CSPP1: variants seen among roughly 807,000 people sequenced by gnomAD.
CSPP1 encodes centrosome and spindle pole-associated protein 1.
A neutral mutation model predicts 164.4 loss-of-function variants in CSPP1; 126 were observed. That is an observed-to-expected ratio of 0.77 (90% CI 0.66 to 0.89). CSPP1 has a LOEUF of 0.89. Among genes scored for constraint, CSPP1 ranks in the 40% least tolerant of loss-of-function variants. The probability of loss-of-function intolerance (pLI) is 0.00; values close to 1 mark genes in which losing one functional copy is unlikely to be tolerated. For missense variants in CSPP1, 1,395 were observed against 1,449.8 expected (o/e 0.96, Z 0.61); for synonymous variants, 472 against 476.7 (o/e 0.99, Z 0.13).
intron 8 of CSPP1, among the ~76,000 whole-genome samples, chr8:67,105,685 AATT>A (rs1044260880): frequency 2.0e-5 from 3 of 152,114 alleles, no homozygotes; most frequent in Admixed American, 2.0e-4. Flanking sequence ...TGCCTGGCCA[AATT>A]ATTATTAATT....
chr8:67,140,713 C>T (rs142324126), intron 17 of CSPP1, among the ~76,000 whole-genome samples: 1 of 152,320 alleles, frequency 6.6e-6, no homozygotes, highest in Non-Finnish European at 1.5e-5. Flanking sequence ...TTCTTAGAAG[C>T]TTAAGGCCTC....
intron 27 of CSPP1, among the ~76,000 whole-genome samples, chr8:67,178,406 C>T (rs1339689886): frequency 6.6e-6 from 1 of 152,132 alleles, no homozygotes; most frequent in African/African-American, 2.4e-5. Context: ...TTCCTATGGA[C>T]AAGAAACTGT....
At chr8:67,177,645 C>T in intron 26 of CSPP1, 35 bp from the exon 27 acceptor site, 2 of 1,473,232 alleles carry the variant, frequency 1.4e-6, no homozygotes, top group East Asian at 4.5e-5. Flanking sequence ...CATTTTCTGA[C>T]CTTTTAATTT....
chr8:67,132,995 A>G (rs1821542836), intron 16 of CSPP1, among the ~76,000 whole-genome samples: 1 of 152,202 alleles, frequency 6.6e-6, no homozygotes, highest in African/African-American at 2.4e-5. Context: ...TGAAAGATAG[A>G]TTTTTAAAAT....
At chr8:67,124,908 T>A (rs1353861377) in intron 15 of CSPP1, among the ~76,000 whole-genome samples, 1 of 152,118 alleles carries the variant, frequency 6.6e-6, no homozygotes, top group African/African-American at 2.4e-5. Context: ...CATGAACTCC[T>A]GGCCTCAAAC....
At chr8:67,127,835 G>A (rs1820393306) in intron 15 of CSPP1, among the ~76,000 whole-genome samples, 1 of 152,134 alleles carries the variant, frequency 6.6e-6, no homozygotes, top group African/African-American at 2.4e-5. Flanking sequence ...GTGTAAACTT[G>A]TTATAAAAGT....
chr8:67,110,589 T>C (rs1563580972), intron 9 of CSPP1, among the ~76,000 whole-genome samples: 1 of 152,212 alleles, frequency 6.6e-6, no homozygotes, highest in East Asian at 1.9e-4. Flanking sequence ...GAGCTCTTTT[T>C]ATGCTTCCTA....
chr8:67,137,424 C>A (rs755021349), intron 16 of CSPP1, 32 bp from the exon 17 acceptor site: 3 of 1,346,428 alleles, frequency 2.2e-6, no homozygotes, highest in South Asian at 1.8e-5. Flanking sequence ...TACTTGTCAG[C>A]GTTTATTTTA....
chr8:67,166,220 C>T (rs1375298783), intron 24 of CSPP1, among the ~76,000 whole-genome samples: 1 of 152,158 alleles, frequency 6.6e-6, no homozygotes, highest in Non-Finnish European at 1.5e-5. Context: ...CCAAGGAGCC[C>T]TGGTTCCTTT....
intron 28 of CSPP1, among the ~76,000 whole-genome samples, chr8:67,187,725 A>T (rs947448885): frequency 1.3e-5 from 2 of 152,184 alleles, no homozygotes; most frequent in African/African-American, 4.8e-5. Flanking sequence ...CAGTCAGCTG[A>T]TCTCTGACAG....
In CSPP1 at chr8:67,131,966, G is replaced by A; in HGVS notation, c.1713G>A (p.Gln571=). The A allele has an allele frequency of 6.2e-7, 1 of 1,610,834 alleles. No individual in the cohort carries two copies. The highest frequency in any genetic ancestry group is 1.1e-5 in the South Asian group (1 of 90,428). Residue 571 remains glutamine (Q), a synonymous_variant, in exon 16 of 31, where the codon CAG becomes CAA. Coordinates refer to ENST00000678616, the MANE Select transcript of CSPP1 (RefSeq NM_001382391.1). ...LAQPVVNTVG[Q]NELKITSDQV... is the part of the protein sequence containing the mutation. The stretch of plus-strand genomic sequence containing the variant: ...TTTGATGTAGGAATACGGTTGGACA[G>A]AATGAACTGAAGATTACAAGTGATC...
intron 17 of CSPP1, among the ~76,000 whole-genome samples, chr8:67,140,155 G>T (rs1377371069): frequency 6.6e-6 from 1 of 152,028 alleles, no homozygotes; most frequent in African/African-American, 2.4e-5. Flanking sequence ...CACCATCTTG[G>T]CTCACTGCAA....
At chr8:67,188,804 G>A (rs889253168) in intron 28 of CSPP1, among the ~76,000 whole-genome samples, 10 of 152,164 alleles carry the variant, frequency 6.6e-5, no homozygotes, top group African/African-American at 1.2e-4. Context: ...GTTCCTGCAC[G>A]GCTAAGTGCC....
intron 15 of CSPP1, among the ~76,000 whole-genome samples, chr8:67,124,474 T>C (rs1819660156): frequency 6.6e-6 from 1 of 151,582 alleles, no homozygotes; most frequent in East Asian, 1.9e-4. Context: ...TTTATAATTA[T>C]TGCCTTATGC....
chr8:67,161,820 C>CA lies in CSPP1; in HGVS notation c.2549dup (p.Pro851AlafsTer23), dbSNP rs1397528990. On this transcript the variant is annotated frameshift_variant, in exon 22 of 31. Transcript: ENST00000678616. LOFTEE classifies it high-confidence loss of function. ...TTTTTAAATTTTTCAGCACATGAGA[C>CA]AGCCTTCTCCTATAGTTCCTGCTCT... 1.9e-6 allele frequency: 3 copies of CA among 1,611,654 alleles called. No homozygotes were observed.
At chr8:67,187,210 A>C (rs1834917819) in intron 28 of CSPP1, among the ~76,000 whole-genome samples, 1 of 152,232 alleles carries the variant, frequency 6.6e-6, no homozygotes, top group Non-Finnish European at 1.5e-5. Context: ...GTGGATAACA[A>C]CAAACTGATT....
intron 1 of CSPP1, among the ~76,000 whole-genome samples, chr8:67,070,626 C>T (rs890659927): frequency 6.6e-6 from 1 of 151,682 alleles, no homozygotes; most frequent in African/African-American, 2.4e-5. Flanking sequence ...CAGAGCGAGA[C>T]CTCATCTCTA....
intron 14 of CSPP1, 108 bp from the exon 15 acceptor site, chr8:67,118,635 T>C (rs1415681604): frequency 2.5e-6 from 2 of 796,768 alleles, no homozygotes; most frequent in Non-Finnish European, 4.0e-6. Flanking sequence ...TTGATGGTTT[T>C]CTCTATGTAA....
intron 2 of CSPP1, 45 bp from the exon 3 acceptor site, chr8:67,076,437 G>A: frequency 9.6e-7 from 1 of 1,045,440 alleles, no homozygotes; most frequent in Non-Finnish European, 1.4e-6. Context: ...ATATTTCATG[G>A]TTTTTTTTTT....
Sources: gnomAD v4.1 joint callset for allele counts (sites outside exome capture counted in the v4.1 genomes callset) on GRCh38, gnomAD v4.1.1 for gene constraint, MANE v1.5 for transcripts, NCBI Gene and HGNC (gene_info 2026-07-23, HGNC 2026-07-21) for gene names.